Variants in ZNF662 observed in about 807,000 individuals in gnomAD.
ZNF662 encodes zinc finger protein 662.
ZNF662 carries 14 observed loss-of-function variants against 12.4 expected under a neutral mutation model. The ratio of observed to expected loss-of-function variants is 1.13; its 90% CI spans 0.75 to 1.77. The LOEUF (loss-of-function observed/expected upper bound fraction) is 1.77. ZNF662 is among the 40% of genes most tolerant of loss of function. ZNF662 has a pLI of 0.00. For synonymous variants in ZNF662, 184 were observed against 176.4 expected (o/e 1.04, Z -0.34); for missense variants, 550 against 515.6 (o/e 1.07, Z -0.65).
intron 4 of ZNF662, 84 bp downstream of exon 4, chr3:42,913,386 C>A: frequency 2.6e-6 from 3 of 1,157,624 alleles, no homozygotes; most frequent in South Asian, 1.3e-5. Context: ...TCCATTTTGC[C>A]ATTCATGTTC....
intron 2 of ZNF662, chr3:42,908,353 G>C: frequency 7.4e-7 from 1 of 1,357,498 alleles, no homozygotes; most frequent in Non-Finnish European, 9.5e-7. Flanking sequence ...CCTTGCTCCA[G>C]AGTGAGAGGT....
rs143181944 is a variant in ZNF662, at chr3:42,906,643, T to G, written c.-94+475T>G. On this transcript the variant is annotated intron_variant, in intron 1 of 4. Coordinates refer to ENST00000440367, the MANE Select transcript of ZNF662 (RefSeq NM_207404.4). The surrounding 1 kb of genome is among the most constrained non-coding windows in gnomAD (Gnocchi z 4.4). ...TGCAGCGGCACGGGGTTGAGCCGAC[T>G]GCTGGGGCAGAGCGCACAGAGTGCT... is the stretch of plus-strand genomic sequence containing the variant. Among the ~76,000 whole-genome samples, 88 of 152,296 alleles carry G rather than the reference T, an allele frequency of 5.8e-4. No individual in the cohort carries two copies. Among genetic ancestry groups the G allele is most frequent in the Admixed American group, 3.0e-3 (46 of 15,300 alleles).
At position 42,908,523 on chromosome 3, in the gene ZNF662, G is replaced by A. The variant is rs559932258; in HGVS notation, c.35-270G>A. The A allele has an allele frequency of 3.1e-6, 4 of 1,280,896 alleles. No individual in the cohort carries two copies. In the South Asian group the frequency reaches 8.2e-5, roughly 26 times the overall value. 79.3% of individuals were successfully genotyped at this position (1,280,896 alleles called of 1,614,324 possible). On this transcript the variant is annotated intron_variant, in intron 2 of 4. Coordinates refer to ENST00000440367, the MANE Select transcript of ZNF662 (RefSeq NM_207404.4). Reference sequence around the variant, plus strand: ...GAACTTGAGAGCTCTAAGAGGGAGAGGACAGGTAAGAATTGAGGACTCAAT... The same window carrying A: ...GAACTTGAGAGCTCTAAGAGGGAGAAGACAGGTAAGAATTGAGGACTCAAT...
Position 42,915,166 on chromosome 3 carries a change from T to A in ZNF662, c.1093T>A (p.Cys365Ser), listed in dbSNP as rs1426378206. 8 of 1,614,196 alleles carry A rather than the reference T, an allele frequency of 5.0e-6. No individual in the cohort carries two copies. The highest frequency in any genetic ancestry group is 4.5e-5 in the East Asian group (2 of 44,880). The change falls in exon 5 of 5, where the codon TGT becomes AGT. Residue 365 changes from cysteine (C) to serine (S), a missense_variant. Coordinates refer to ENST00000440367, the MANE Select transcript of ZNF662 (RefSeq NM_207404.4). ...GGACAAGCCTCATGAATGTACTGAC[T>A]GTGGGAAAAGCTTCTTTTGCAAGGC... ...TGDKPHECTDCGKSFFCKAHL... is the reference protein window; with the variant it reads ...TGDKPHECTDSGKSFFCKAHL...
In ZNF662 at chr3:42,908,165, T is replaced by C; in HGVS notation, c.34+17T>C. 3.7e-6 allele frequency: 6 copies of C among 1,607,070 alleles called. No individual in the cohort carries two copies. Among genetic ancestry groups the C allele is most frequent in the Non-Finnish European group, 5.1e-6 (6 of 1,175,454 alleles). ...CTTCCCTGGGTAAGGGTCTCTCCCT[T>C]TGGGCCCTGCCTCCACCCTTGAGAG... On this transcript the variant is annotated intron_variant, in intron 2 of 4. Coordinates refer to ENST00000440367, the MANE Select transcript of ZNF662 (RefSeq NM_207404.4).
chr3:42,906,610 AGCAGAC>A lies in ZNF662; in HGVS notation c.-94+444_-94+449del, dbSNP rs2088682958. Among the ~76,000 whole-genome samples the A allele has an allele frequency of 6.6e-6, 1 of 152,092 alleles. No individual in the cohort carries two copies. Among genetic ancestry groups the A allele is most frequent in the African/African-American group, 2.4e-5 (1 of 41,418 alleles). On this transcript the variant is annotated intron_variant, in intron 1 of 4. Transcript: ENST00000440367. The surrounding 1 kb of genome is among the most constrained non-coding windows in gnomAD (Gnocchi z 4.4). Reference sequence around the variant, plus strand: ...ACCCCTGGACCTGAGCCTCAAGGAGAGCAGACGTGCAGCGGCACGGGGTTGAGCCGA... The same window carrying A: ...ACCCCTGGACCTGAGCCTCAAGGAGAGTGCAGCGGCACGGGGTTGAGCCGA...
At position 42,914,779 on chromosome 3, in the gene ZNF662, A is replaced by G. The variant is rs376875117; in HGVS notation, c.706A>G (p.Ile236Val). 6.2e-5 allele frequency: 100 copies of G among 1,613,892 alleles called. No individual in the cohort carries two copies. Among genetic ancestry groups the G allele is most frequent in the Non-Finnish European group, 8.2e-5 (97 of 1,179,966 alleles). The change falls in exon 5 of 5, where the codon ATT (isoleucine) becomes GTT (valine). Residue 236 changes from isoleucine to valine, a missense_variant. Physicochemically the swap from Ile to Val is conservative, Grantham distance 29. Coordinates refer to ENST00000440367, the MANE Select transcript of ZNF662 (RefSeq NM_207404.4). ...GGCTTTCAGTTTTCGATCACATTGC[A>G]TTGCACATCAGAGAATTCACAGTGG... ...GKAFSFRSHCIAHQRIHSGVK... is the reference protein window; with the variant it reads ...GKAFSFRSHCVAHQRIHSGVK...
At chr3:42,913,060 A>G in intron 3 of ZNF662, 141 bp from the exon 4 acceptor site, 3 of 631,098 alleles carry the variant, frequency 4.8e-6, no homozygotes, top group African/African-American at 1.8e-5. Flanking sequence ...ATTATTCTGT[A>G]CCATCAAATT....
rs377231571 is a variant in ZNF662 at position 42,912,693 on chromosome 3, A to ATATAT, written c.152-507_152-506insATATT. ...TTTTTATATATATAAATATATATAT[A>ATATAT]TTTTATATATATAAATATATATATA... is the stretch of plus-strand genomic sequence containing the variant. On this transcript the variant is annotated intron_variant, in intron 3 of 4. Coordinates refer to ENST00000440367, the MANE Select transcript of ZNF662 (RefSeq NM_207404.4). Among the ~76,000 whole-genome samples, 3 of 53,094 alleles carry ATATAT rather than the reference A, an allele frequency of 5.7e-5. 1 individual carries two copies. Among genetic ancestry groups the ATATAT allele is most frequent in the Non-Finnish European group, 9.4e-5 (3 of 31,970 alleles). The allele number at this position is 53,094 out of a possible 152,430, so 34.8% of individuals were successfully genotyped here. A position where few individuals can be genotyped will look rare whatever the true frequency, so the allele number is the denominator to read the frequency against.
chr3:42,918,166 T>C lies in ZNF662; in HGVS notation c.*2812T>C, dbSNP rs2088913183. Among the ~76,000 whole-genome samples, 1 of 152,242 alleles carries C rather than the reference T, an allele frequency of 6.6e-6. No homozygotes were observed. Among genetic ancestry groups the C allele is most frequent in the Non-Finnish European group, 1.5e-5 (1 of 68,042 alleles). On this transcript the variant is annotated 3_prime_UTR_variant, in exon 5 of 5. Coordinates refer to ENST00000440367, the MANE Select transcript of ZNF662 (RefSeq NM_207404.4). ...GACCTAAGGTTAATTTCATGCATAC[T>C]ACTAAGTGATGCTTTAAGTCATACC... is the stretch of plus-strand genomic sequence containing the variant.
intron 2 of ZNF662, 75 bp from the exon 3 acceptor site, chr3:42,908,718 A>G (rs895928904): frequency 6.6e-7 from 1 of 1,524,968 alleles, no homozygotes; most frequent in Non-Finnish European, 9.0e-7. Flanking sequence ...CCCTGAAGAC[A>G]CTGGCCTGGG....
In ZNF662 at chr3:42,915,431, C is replaced by T. The variant is rs2088888413; in HGVS notation, c.*77C>T. On this transcript the variant is annotated 3_prime_UTR_variant, in exon 5 of 5. Transcript: ENST00000440367. ...AGAGACAAAATGAGATGACCATTCACAATTTGCTGTAACCCTTAACTTAAA... is the reference window on the plus strand; with the variant it reads ...AGAGACAAAATGAGATGACCATTCATAATTTGCTGTAACCCTTAACTTAAA... 7.2e-7 allele frequency: 1 copy of T among 1,389,042 alleles called. No homozygotes were observed. The highest frequency in any genetic ancestry group is 9.8e-7 in the Non-Finnish European group (1 of 1,024,400). 86.0% of individuals were successfully genotyped at this position (1,389,042 alleles called of 1,614,324 possible). A position where few individuals can be genotyped will look rare whatever the true frequency, so the allele number is the denominator to read the frequency against.
intron 1 of ZNF662, chr3:42,907,627 A>T: frequency 1.1e-6 from 1 of 941,240 alleles, no homozygotes; most frequent in South Asian, 4.9e-5. Context: ...AACAAAGAAT[A>T]TATGTCAAGT....
intron 3 of ZNF662, among the ~76,000 whole-genome samples, chr3:42,911,590 C>T (rs902358811): frequency 6.6e-6 from 1 of 152,204 alleles, no homozygotes; most frequent in African/African-American, 2.4e-5. Flanking sequence ...TTTTGTCTTA[C>T]AGAAGTTAGT....
chr3:42,911,577 C>T (rs1357104982), intron 3 of ZNF662, among the ~76,000 whole-genome samples: 1 of 152,192 alleles, frequency 6.6e-6, no homozygotes, highest in Non-Finnish European at 1.5e-5. Flanking sequence ...ACTCAAAGTC[C>T]ACTTTTGTCT....
At chr3:42,912,427 A>T (rs2088812953) in intron 3 of ZNF662, among the ~76,000 whole-genome samples, 1 of 97,728 alleles carries the variant, frequency 1.0e-5, no homozygotes, top group Non-Finnish European at 1.8e-5. Flanking sequence ...ATATTAATAT[A>T]TATATAATAT....
At position 42,917,759 on chromosome 3, in the gene ZNF662, T is replaced by C. The variant is rs1304443230; in HGVS notation, c.*2405T>C. 3.4e-6 allele frequency: 2 copies of C among 589,544 alleles called. No individual in the cohort carries two copies. The highest frequency in any genetic ancestry group is 3.4e-4 in the Middle Eastern group (1 of 2,984). 36.5% of individuals were successfully genotyped at this position (589,544 alleles called of 1,614,324 possible). On this transcript the variant is annotated 3_prime_UTR_variant, in exon 5 of 5. Transcript: ENST00000440367. ...CACCTTTTCCTCTTGCTCAGTAGTC[T>C]CATAAGCTTCTCAGTTTTATCTCAT...
rs1337776742 is a variant in ZNF662 at position 42,908,425 on chromosome 3, C to G, written c.34+277C>G. ...AAGAGAGCAAATTCATGGTGCTCCA[C>G]TGAGCCTTCAGTTCCCTCCCCTCTC... On this transcript the variant is annotated intron_variant, in intron 2 of 4. Coordinates refer to ENST00000440367, the MANE Select transcript of ZNF662 (RefSeq NM_207404.4). 3.1e-6 allele frequency: 4 copies of G among 1,271,930 alleles called. No homozygotes were observed. In the Admixed American group the frequency reaches 1.1e-4, roughly 35 times the overall value. The allele number at this position is 1,271,930 out of a possible 1,614,324, so 78.8% of individuals were successfully genotyped here.
rs1433720955 is a variant in ZNF662, at chr3:42,908,855, T to C, written c.97T>C (p.Cys33Arg). Residue 33 changes from cysteine to arginine, a missense_variant, in exon 3 of 5, where the codon TGC (cysteine) becomes CGC (arginine). Transcript: ENST00000440367. ...SQLERGETPW[C>R]SVPRGALDGE... ...GCTGGAGCGAGGGGAAACACCCTGG[T>C]GCTCGGTTCCTCGGGGAGCTCTGGA... 6.2e-7 allele frequency: 1 copy of C among 1,614,054 alleles called. No homozygotes were observed. Among genetic ancestry groups the C allele is most frequent in the African/African-American group, 1.3e-5 (1 of 74,942 alleles).
Sources: allele counts gnomAD v4.1 joint callset (sites outside exome capture counted in the v4.1 genomes callset), GRCh38; gene constraint gnomAD v4.1.1; non-coding constraint Gnocchi (gnomAD v3.1); transcripts MANE v1.5; gene names NCBI Gene and HGNC (gene_info 2026-07-23, HGNC 2026-07-21).